Variants in EYS observed in about 807,000 individuals in gnomAD.
EYS encodes protein eyes shut homolog.
EYS carries 250 observed loss-of-function variants against 282.1 expected under a neutral mutation model. That is an observed-to-expected ratio of 0.89 (90% CI 0.80 to 0.98). The LOEUF is 0.98. EYS is among the 50% of genes least tolerant of loss of function. The pLI, the probability that EYS is intolerant of heterozygous loss-of-function variation, is 0.00. For missense variants in EYS, 4,016 were observed against 3,709.0 expected (o/e 1.08, Z -2.15); for synonymous variants, 1,355 against 1,282.9 (o/e 1.06, Z -1.20).
At chr6:64,188,334 T>C (rs1765006718) in intron 31 of EYS, among the ~76,000 whole-genome samples, 1 of 152,132 alleles carries the variant, frequency 6.6e-6, no homozygotes, top group Non-Finnish European at 1.5e-5. Context: ...GATCATCTTT[T>C]TACACAGAGA....
At chr6:65,299,879 A>AAC (rs1021783798) in intron 11 of EYS, among the ~76,000 whole-genome samples, 1 of 151,776 alleles carries the variant, frequency 6.6e-6, no homozygotes, top group Non-Finnish European at 1.5e-5. Context: ...CTTACCCCAA[A>AAC]ACACACACAC....
chr6:65,470,917 T>A (rs747964566), intron 5 of EYS, among the ~76,000 whole-genome samples: 3 of 151,896 alleles, frequency 2.0e-5, no homozygotes, highest in Non-Finnish European at 2.9e-5. Context: ...GGAGGGCAGA[T>A]CATGAGGTCA....
At chr6:64,544,071 T>C (rs1245694582) in intron 26 of EYS, among the ~76,000 whole-genome samples, 1 of 152,208 alleles carries the variant, frequency 6.6e-6, no homozygotes, top group Non-Finnish European at 1.5e-5. Flanking sequence ...GGTTTTAAAA[T>C]ACTGTTAACT....
intron 35 of EYS, among the ~76,000 whole-genome samples, chr6:63,925,090 C>T (rs1283970900): frequency 6.6e-6 from 1 of 152,178 alleles, no homozygotes; most frequent in African/African-American, 2.4e-5. Context: ...GCAACTTAAT[C>T]TTCTGAGCCT....
At chr6:64,329,619 A>G (rs1420222954) in intron 29 of EYS, among the ~76,000 whole-genome samples, 1 of 152,154 alleles carries the variant, frequency 6.6e-6, no homozygotes, top group Non-Finnish European at 1.5e-5. Context: ...GCTGTGGGGC[A>G]CTTACCCAGT....
intron 11 of EYS, among the ~76,000 whole-genome samples, chr6:65,322,945 A>G (rs561332799): frequency 6.6e-6 from 1 of 151,944 alleles, no homozygotes; most frequent in African/African-American, 2.4e-5. Context: ...AAATTAAATA[A>G]CTACTTGATG....
chr6:64,591,420 GCT>G lies in EYS; in HGVS notation c.4445_4446del (p.Glu1482AlafsTer16). On this transcript the variant is annotated frameshift_variant, in exon 26 of 43. Transcript: ENST00000503581. LOFTEE classifies it high-confidence loss of function. ...ATCGAGGGGCTGAGCAATCTCCAGT[GCT>G]CTCTTCTTGAAATTAAAGAATCAGC... is the stretch of plus-strand genomic sequence containing the variant. ...YSADSLISRR[E>X]HWRLLSPSMS... The G allele has an allele frequency of 6.4e-7, 1 of 1,551,256 alleles. No individual in the cohort carries two copies.
chr6:65,352,879 C>T lies in EYS; in HGVS notation c.1459+579G>A, dbSNP rs187227772. Among the ~76,000 whole-genome samples, 396 of 152,084 alleles carry T rather than the reference C, an allele frequency of 2.6e-3. 1 individual carries two copies. Among genetic ancestry groups the T allele is most frequent in the Non-Finnish European group, 4.7e-3 (316 of 67,888 alleles). The stretch of plus-strand genomic sequence containing the variant: ...ATTAGTCTTTTCTCACAGCCCCAGA[C>T]AGGCCTTCAAAGAAGCCATTTCTTC... On this transcript the variant is annotated intron_variant, in intron 9 of 42. Transcript: ENST00000503581.
At chr6:65,230,707 AT>A (rs1420737439) in intron 12 of EYS, among the ~76,000 whole-genome samples, 1 of 151,412 alleles carries the variant, frequency 6.6e-6, no homozygotes, top group African/African-American at 2.4e-5. Context: ...GTTGACAATT[AT>A]TTTTCTTTGA....
chr6:63,896,523 G>A (rs774159415), intron 35 of EYS, among the ~76,000 whole-genome samples: 3 of 152,036 alleles, frequency 2.0e-5, no homozygotes, highest in Non-Finnish European at 2.9e-5. Context: ...ACCTCAGAGC[G>A]GTACATGGGT....
In EYS at chr6:65,170,382, T is replaced by A. The variant is rs568398313; in HGVS notation, c.2024-112655A>T. ...AACTGACATTTTTGAGGCGAATATA[T>A]TATACTATAAACCATTTTCTTGACC... On this transcript the variant is annotated intron_variant, in intron 12 of 42. Transcript: ENST00000503581. Among the ~76,000 whole-genome samples the A allele has an allele frequency of 5.9e-5, 9 of 151,466 alleles. No homozygotes were observed. In the South Asian group the frequency reaches 1.9e-3, roughly 31 times the overall value.
intron 11 of EYS, among the ~76,000 whole-genome samples, chr6:65,301,643 T>G (rs1180867979): frequency 2.0e-5 from 3 of 152,370 alleles, no homozygotes; most frequent in African/African-American, 4.8e-5. Context: ...GCCACCGACC[T>G]TATTCCGGTA....
chr6:65,136,380 G>A lies in EYS; in HGVS notation c.2024-78653C>T, dbSNP rs201332222. Among the ~76,000 whole-genome samples, 44 of 151,942 alleles carry A rather than the reference G, an allele frequency of 2.9e-4. No homozygotes were observed. The East Asian group carries it at 8.0e-3, about 28-fold the overall frequency. ...TTTTATAATTTCCAAGGTCATTATA[G>A]TACAAATCATATTACGATCACTTTT... On this transcript the variant is annotated intron_variant, in intron 12 of 42. Transcript: ENST00000503581.
In EYS at chr6:65,029,406, A is replaced by G. The variant is rs192741658; in HGVS notation, c.2137+28208T>C. ...ATACGTACTTTGTAGGAATTATATA[A>G]ATACACATGCACACATATACACTCA... is the stretch of plus-strand genomic sequence containing the variant. On this transcript the variant is annotated intron_variant, in intron 13 of 42. Coordinates refer to ENST00000503581, the MANE Select transcript of EYS (RefSeq NM_001142800.2). Among the ~76,000 whole-genome samples the G allele has an allele frequency of 1.9e-3, 295 of 152,292 alleles. 5 individuals are homozygous for G. The highest frequency in any genetic ancestry group is 8.5e-4 in the Non-Finnish European group (58 of 68,028).
intron 30 of EYS, among the ~76,000 whole-genome samples, chr6:64,249,709 A>T (rs1767144464): frequency 6.6e-6 from 1 of 152,208 alleles, no homozygotes; most frequent in Admixed American, 6.5e-5. Flanking sequence ...AGATGTAGGT[A>T]TAGGAGAAGA....
chr6:64,573,652 C>T (rs936915030), intron 26 of EYS, among the ~76,000 whole-genome samples: 3 of 151,280 alleles, frequency 2.0e-5, no homozygotes, highest in African/African-American at 7.3e-5. Flanking sequence ...GACATTTATG[C>T]AGGCAACAAA....
chr6:65,179,596 G>A (rs978357092), intron 12 of EYS, among the ~76,000 whole-genome samples: 2 of 152,130 alleles, frequency 1.3e-5, no homozygotes, highest in East Asian at 3.9e-4. Context: ...TCCAGGACCA[G>A]ATGGATTCAC....
intron 29 of EYS, among the ~76,000 whole-genome samples, chr6:64,328,804 G>T (rs956149764): frequency 6.6e-5 from 10 of 152,110 alleles, no homozygotes; most frequent in African/African-American, 2.4e-4. Flanking sequence ...AGAAGATGTG[G>T]TTGTGGTCAT....
intron 26 of EYS, among the ~76,000 whole-genome samples, chr6:64,463,132 T>C (rs1378353401): frequency 1.3e-5 from 2 of 151,808 alleles, no homozygotes; most frequent in Admixed American, 6.6e-5. Context: ...TGGATTTTTT[T>C]ACTAGAGATG....
Sources: gnomAD v4.1 joint callset for allele counts (sites outside exome capture counted in the v4.1 genomes callset) on GRCh38, gnomAD v4.1.1 for gene constraint, MANE v1.5 for transcripts, NCBI Gene and HGNC (gene_info 2026-07-23, HGNC 2026-07-21) for gene names.